Variants in ATP11A observed in about 807,000 individuals in gnomAD.
ATP11A encodes the protein phospholipid-transporting ATPase IH.
A neutral mutation model predicts 154.4 loss-of-function variants in ATP11A; 81 were observed. The ratio of observed to expected loss-of-function variants is 0.52; its 90% CI spans 0.44 to 0.63. The LOEUF is 0.63. Ranked by LOEUF, ATP11A falls within the 30% of genes least tolerant of loss-of-function variation. The probability of loss-of-function intolerance (pLI) is 0.00; values close to 1 mark genes in which losing one functional copy is unlikely to be tolerated. For missense variants in ATP11A, 1,316 were observed against 1,474.3 expected (o/e 0.89, Z 1.76); for synonymous variants, 623 against 585.9 (o/e 1.06, Z -0.91).
chr13:112,783,746 G>A (rs1260642640), intron 1 of ATP11A, among the ~76,000 whole-genome samples: 1 of 152,246 alleles, frequency 6.6e-6, no homozygotes, highest in Non-Finnish European at 1.5e-5. Context: ...CCAGGGCTGC[G>A]TATTCAGATG....
rs1457975975 is a variant in ATP11A at position 112,886,338 on chromosome 13, C to G, written c.*4472C>G. On this transcript the variant is annotated 3_prime_UTR_variant, in exon 30 of 30. Coordinates refer to ENST00000375645, the MANE Select transcript of ATP11A (RefSeq NM_015205.3). ...GTCGCGGGAAACCTCCAGCCTTGTT[C>G]TTCAAACCACTCAGCTCATGTGTTT... 1 of 152,224 alleles carries G rather than the reference C, an allele frequency of 6.6e-6. No individual in the cohort carries two copies. Among genetic ancestry groups the G allele is most frequent in the East Asian group, 1.9e-4 (1 of 5,202 alleles). 9.4% of individuals were successfully genotyped at this position (152,224 alleles called of 1,614,324 possible).
chr13:112,867,013 A>T lies in ATP11A; in HGVS notation c.2991+4438A>T, dbSNP rs183394120. On this transcript the variant is annotated intron_variant, in intron 25 of 29. Transcript: ENST00000375645. ...ACCTGTTGATTCTTTTGTATCTTTT[A>T]TGAGATTTTCTTCCGAGTTGGGCTT... Among the ~76,000 whole-genome samples the T allele has an allele frequency of 2.1e-4, 32 of 151,894 alleles. No individual in the cohort carries two copies. In the East Asian group the frequency reaches 5.5e-3, roughly 26 times the overall value.
At chr13:112,794,641 G>A (rs757535344) in intron 2 of ATP11A, among the ~76,000 whole-genome samples, 2 of 152,052 alleles carry the variant, frequency 1.3e-5, no homozygotes, top group African/African-American at 2.4e-5. Context: ...AGGCCGAAGC[G>A]GGCGGATCAC....
intron 1 of ATP11A, among the ~76,000 whole-genome samples, chr13:112,757,296 G>A (rs1001779022): frequency 6.6e-6 from 1 of 152,234 alleles, no homozygotes; most frequent in African/African-American, 2.4e-5. Flanking sequence ...AACAAACATA[G>A]GAAGCTTTCA....
intron 17 of ATP11A, among the ~76,000 whole-genome samples, chr13:112,842,776 T>C (rs2079460542): frequency 6.6e-6 from 1 of 152,280 alleles, no homozygotes; most frequent in Non-Finnish European, 1.5e-5. Flanking sequence ...ACTTTCGTTT[T>C]CTGTTGTGAC....
chr13:112,861,991 G>A (rs56375683), intron 24 of ATP11A, among the ~76,000 whole-genome samples: 91 of 55,544 alleles, frequency 1.6e-3, no homozygotes, highest in African/African-American at 3.4e-3. Context: ...AAGGTGTCAC[G>A]TCAGGCGTAA....
chr13:112,831,604 G>A (rs924909703), intron 13 of ATP11A, 56 bp downstream of exon 13: 2 of 1,577,644 alleles, frequency 1.3e-6, no homozygotes, highest in Non-Finnish European at 1.7e-6. Flanking sequence ...GGCTGTGCAT[G>A]CTGAGTCCAC....
At chr13:112,731,054 G>T (rs1244343889) in intron 1 of ATP11A, among the ~76,000 whole-genome samples, 1 of 152,126 alleles carries the variant, frequency 6.6e-6, no homozygotes, top group Non-Finnish European at 1.5e-5. Context: ...TCCTGCCTCA[G>T]CCTCCTGAGT....
chr13:112,809,320 G>A (rs555638824), intron 4 of ATP11A, among the ~76,000 whole-genome samples: 7 of 152,336 alleles, frequency 4.6e-5, no homozygotes, highest in South Asian at 4.1e-4. Flanking sequence ...AAGCTCGCAC[G>A]TTTGGATATC....
intron 1 of ATP11A, among the ~76,000 whole-genome samples, chr13:112,728,252 C>T (rs776163843): frequency 6.6e-6 from 1 of 152,304 alleles, no homozygotes; most frequent in African/African-American, 2.4e-5. Flanking sequence ...TGAGACCATG[C>T]GGCCCACCTC....
At chr13:112,809,182 C>G (rs528604505) in intron 4 of ATP11A, among the ~76,000 whole-genome samples, 1 of 152,224 alleles carries the variant, frequency 6.6e-6, no homozygotes, top group East Asian at 1.9e-4. Flanking sequence ...AATCATCTAC[C>G]CACTGCCACC....
chr13:112,886,588 T>C lies in ATP11A; in HGVS notation c.*4722T>C, dbSNP rs1401505469. 2 of 152,520 alleles carry C rather than the reference T, an allele frequency of 1.3e-5. No homozygotes were observed. The highest frequency in any genetic ancestry group is 2.9e-5 in the Non-Finnish European group (2 of 68,030). The allele number at this position is 152,520 out of a possible 1,614,324, so 9.4% of individuals were successfully genotyped here. On this transcript the variant is annotated 3_prime_UTR_variant, in exon 30 of 30. Coordinates refer to ENST00000375645, the MANE Select transcript of ATP11A (RefSeq NM_015205.3). ...TGAACTGGAATGAAAATCTTTCTGA[T>C]GTTGTGTCTATAAGCAGCCTTGATG... is the stretch of plus-strand genomic sequence containing the variant.
intron 1 of ATP11A, among the ~76,000 whole-genome samples, chr13:112,705,995 C>G (rs549986560): frequency 2.6e-5 from 4 of 152,166 alleles, no homozygotes; most frequent in Non-Finnish European, 5.9e-5. Flanking sequence ...ACTTCCAGAT[C>G]TTTTTCATCA....
In ATP11A at chr13:112,871,337, G is replaced by A. The variant is rs139248951; in HGVS notation, c.2992-398G>A. Reference sequence around the variant, plus strand: ...CACAAAACAGAAAAAGGAGGTTTGCGTGTACCCGAGTTTGCATTATGGATA... The same window carrying A: ...CACAAAACAGAAAAAGGAGGTTTGCATGTACCCGAGTTTGCATTATGGATA... On this transcript the variant is annotated intron_variant, in intron 25 of 29. Transcript: ENST00000375645. Among the ~76,000 whole-genome samples, 3 of 152,328 alleles carry A rather than the reference G, an allele frequency of 2.0e-5. No individual in the cohort carries two copies. The East Asian group carries it at 5.8e-4, about 29-fold the overall frequency.
Position 112,855,936 on chromosome 13 carries a change from G to T in ATP11A, c.2269G>T (p.Gly757Cys). The change falls in exon 20 of 30, where the codon GGT (glycine) becomes TGT (cysteine). Residue 757 changes from glycine to cysteine, a missense_variant. By Grantham distance (159) the Gly-to-Cys change is radical. Transcript: ENST00000375645. ...SGLSADMQDY[G>C]LIIDGAALSL... ...ACTTTCAGCAGATATGCAGGACTAC[G>T]GTTTAATTATCGACGGAGCTGCACT... 6.2e-7 allele frequency: 1 copy of T among 1,613,524 alleles called. No individual in the cohort carries two copies. Among genetic ancestry groups the T allele is most frequent in the South Asian group, 1.1e-5 (1 of 91,016 alleles).
chr13:112,723,358 G>A (rs1204866437), intron 1 of ATP11A, among the ~76,000 whole-genome samples: 2 of 12,066 alleles, frequency 1.7e-4, no homozygotes, highest in African/African-American at 6.5e-4. Context: ...TGCACCCTCC[G>A]CCTGCCGGGT....
intron 6 of ATP11A, among the ~76,000 whole-genome samples, chr13:112,818,262 G>T (rs2078701361): frequency 6.7e-6 from 1 of 149,076 alleles, no homozygotes; most frequent in Non-Finnish European, 1.5e-5. Context: ...TTGGTGACGG[G>T]GCGATGACCG....
At chr13:112,808,070 C>T (rs1190762786) in intron 4 of ATP11A, among the ~76,000 whole-genome samples, 1 of 152,070 alleles carries the variant, frequency 6.6e-6, no homozygotes, top group African/African-American at 2.4e-5. Flanking sequence ...TCTGAAGACG[C>T]ATCTGGGCCA....
chr13:112,862,317 T>G, intron 24 of ATP11A, 123 bp from the exon 25 acceptor site: 1 of 1,199,850 alleles, frequency 8.3e-7, no homozygotes, highest in Non-Finnish European at 1.2e-6. Flanking sequence ...AAACTTGATG[T>G]TTACTGGCCG....
Sources: allele counts gnomAD v4.1 joint callset (sites outside exome capture counted in the v4.1 genomes callset), GRCh38; gene constraint gnomAD v4.1.1; transcripts MANE v1.5; gene names NCBI Gene and HGNC (gene_info 2026-07-23, HGNC 2026-07-21).